Variants in IL1RAPL2 observed in about 807,000 individuals in gnomAD.
The protein encoded by IL1RAPL2 is interleukin 1 receptor accessory protein like 2.
IL1RAPL2 carries 3 observed loss-of-function variants against 44.1 expected under a neutral mutation model. The ratio of observed to expected loss-of-function variants is 0.07; its 90% CI spans 0.03 to 0.18. The LOEUF (loss-of-function observed/expected upper bound fraction) is 0.18, where lower values mean the gene tolerates loss of function less well. IL1RAPL2 is among the 10% of genes least tolerant of loss of function. The pLI is 1.00. For synonymous variants in IL1RAPL2, 181 were observed against 178.8 expected, an observed-to-expected ratio of 1.01 and a Z score of -0.10; for missense variants, 391 against 496.4, an observed-to-expected ratio of 0.79 and a Z score of 2.02.
At chrX:104,788,770 A>G (rs990855082) in intron 2 of IL1RAPL2, among the ~76,000 whole-genome samples, 2 of 111,620 alleles carry the variant, frequency 1.8e-5, no homozygotes, top group Non-Finnish European at 3.8e-5. Context: ...ATGCACATGA[A>G]CCAGTAATTT....
At chrX:105,479,923 T>C (rs1055520015) in intron 5 of IL1RAPL2, among the ~76,000 whole-genome samples, 1 of 111,399 alleles carries the variant, frequency 9.0e-6, no homozygotes, top group African/African-American at 3.3e-5. Flanking sequence ...TGGTTAAATG[T>C]TATGACGAAA....
At chrX:104,946,374 C>T (rs763597854) in intron 2 of IL1RAPL2, among the ~76,000 whole-genome samples, 203 of 1,909 alleles carry the variant, frequency 0.11, 3 homozygotes, top group Middle Eastern at 0.5. Flanking sequence ...AGCAAGACTC[C>T]GTCTCAAAAA....
chrX:105,749,842 G>A (rs1352758869), intron 9 of IL1RAPL2, among the ~76,000 whole-genome samples: 2 of 111,622 alleles, frequency 1.8e-5, no homozygotes, highest in African/African-American at 6.5e-5. Context: ...AAGAAATCAT[G>A]GCATGTAGCT....
chrX:104,765,716 A>G (rs1932541844), intron 2 of IL1RAPL2, among the ~76,000 whole-genome samples: 1 of 112,293 alleles, frequency 8.9e-6, no homozygotes, highest in Non-Finnish European at 1.9e-5. Context: ...ATTAGAGACC[A>G]TACTTTGTTT....
intron 9 of IL1RAPL2, among the ~76,000 whole-genome samples, chrX:105,753,472 C>T (rs1353669621): frequency 9.0e-6 from 1 of 111,371 alleles, no homozygotes; most frequent in African/African-American, 3.3e-5. Flanking sequence ...ATTCTTCCAG[C>T]TGTGTATCAT....
chrX:104,649,525 T>C (rs1174111915), intron 1 of IL1RAPL2, among the ~76,000 whole-genome samples: 1 of 111,613 alleles, frequency 9.0e-6, no homozygotes, highest in Non-Finnish European at 1.9e-5. Flanking sequence ...CAAATTACTA[T>C]AGAATTATAA....
chrX:105,611,293 T>C (rs1404618434), intron 6 of IL1RAPL2, among the ~76,000 whole-genome samples: 2 of 111,750 alleles, frequency 1.8e-5, no homozygotes, highest in East Asian at 5.6e-4. Context: ...ATGGTTAATT[T>C]ACTGTTAAAT....
At chrX:104,991,505 TAGG>T in intron 2 of IL1RAPL2, among the ~76,000 whole-genome samples, 1 of 111,602 alleles carries the variant, frequency 9.0e-6, no homozygotes, top group Admixed American at 9.5e-5. Flanking sequence ...GGTAGGAGAT[TAGG>T]AGGGCTGTCC....
chrX:104,661,223 C>T (rs1930395663), intron 2 of IL1RAPL2, among the ~76,000 whole-genome samples: 1 of 111,282 alleles, frequency 9.0e-6, no homozygotes, highest in Non-Finnish European at 1.9e-5. Flanking sequence ...CTTCTCCTTC[C>T]CTTTATGCTG....
intron 2 of IL1RAPL2, among the ~76,000 whole-genome samples, chrX:104,970,519 C>A (rs1275684410): frequency 9.0e-6 from 1 of 111,652 alleles, no homozygotes; most frequent in Non-Finnish European, 1.9e-5. Context: ...TAATTATGTG[C>A]AAATTAAGAT....
At chrX:105,640,808 A>T (rs2037564633) in intron 6 of IL1RAPL2, among the ~76,000 whole-genome samples, 1 of 103,079 alleles carries the variant, frequency 9.7e-6, no homozygotes, top group Admixed American at 1.1e-4. Context: ...AGAGAGAGAG[A>T]CCGAGAGAGA....
chrX:105,433,893 C>T (rs777281982), intron 5 of IL1RAPL2, among the ~76,000 whole-genome samples: 7 of 111,516 alleles, frequency 6.3e-5, no homozygotes, highest in Non-Finnish European at 1.3e-4. Context: ...TACACTTCAT[C>T]AAATTTAAAA....
At chrX:105,677,946 A>C (rs1443368363) in intron 6 of IL1RAPL2, among the ~76,000 whole-genome samples, 1 of 112,102 alleles carries the variant, frequency 8.9e-6, no homozygotes, top group Non-Finnish European at 1.9e-5. Flanking sequence ...CCTGAGAAGA[A>C]AGCTGTATCC....
chrX:105,126,616 C>T (rs2032977820), intron 2 of IL1RAPL2, among the ~76,000 whole-genome samples: 1 of 111,240 alleles, frequency 9.0e-6, no homozygotes, highest in South Asian at 3.7e-4. Flanking sequence ...AATAAAATTT[C>T]CATTCAGCTA....
intron 6 of IL1RAPL2, among the ~76,000 whole-genome samples, chrX:105,687,742 G>A (rs1227697809): frequency 1.8e-5 from 2 of 111,558 alleles, no homozygotes; most frequent in Admixed American, 1.9e-4. Flanking sequence ...ACATCATCCT[G>A]ATACCAAAGC....
chrX:104,715,903 A>C (rs1203635425), intron 2 of IL1RAPL2, among the ~76,000 whole-genome samples: 1 of 111,037 alleles, frequency 9.0e-6, no homozygotes, highest in Non-Finnish European at 1.9e-5. Context: ...TTAAACAACC[A>C]CTGACATTCT....
intron 2 of IL1RAPL2, among the ~76,000 whole-genome samples, chrX:104,959,073 C>G (rs1027383393): frequency 1.8e-5 from 2 of 110,770 alleles, no homozygotes; most frequent in African/African-American, 6.6e-5. Context: ...GCTTGCTAGT[C>G]AATAACCAGG....
At chrX:104,597,206 T>A (rs1244930341) in intron 1 of IL1RAPL2, among the ~76,000 whole-genome samples, 1 of 109,573 alleles carries the variant, frequency 9.1e-6, no homozygotes, top group African/African-American at 3.3e-5. Flanking sequence ...TAGCTGGATG[T>A]GGCAGTGTGC....
intron 2 of IL1RAPL2, among the ~76,000 whole-genome samples, chrX:105,141,437 A>C (rs1206642763): frequency 9.0e-6 from 1 of 111,125 alleles, no homozygotes; most frequent in Non-Finnish European, 1.9e-5. Flanking sequence ...CTCAAAAAAA[A>C]TTTGGTTACA....
Sources: gnomAD v4.1 joint callset for allele counts (sites outside exome capture counted in the v4.1 genomes callset) on GRCh38, gnomAD v4.1.1 for gene constraint, MANE v1.5 for transcripts, NCBI Gene and HGNC (gene_info 2026-07-23, HGNC 2026-07-21) for gene names.